Variants in NRXN3 observed in about 807,000 individuals in gnomAD.
NRXN3 encodes neurexin III.
A neutral mutation model predicts 137.6 loss-of-function variants in NRXN3; 32 were observed. That is an observed-to-expected ratio of 0.23 (90% CI 0.18 to 0.31). The LOEUF is 0.31. Ranked by LOEUF, NRXN3 falls within the 10% of genes least tolerant of loss-of-function variation. NRXN3 has a pLI of 1.00. For synonymous variants in NRXN3, 798 were observed against 784.5 expected (o/e 1.02, Z -0.29); for missense variants, 1,574 against 2,062.5 (o/e 0.76, Z 4.59).
intron 16 of NRXN3, among the ~76,000 whole-genome samples, chr14:79,491,113 C>T (rs190491554): frequency 1.3e-4 from 20 of 152,050 alleles, no homozygotes; most frequent in Admixed American, 4.6e-4. Context: ...CTTGTAAATC[C>T]GTCAAAGATT....
Position 79,531,503 on chromosome 14 carries a change from C to A in NRXN3, c.3444+64101C>A, listed in dbSNP as rs1304193132. On this transcript the variant is annotated intron_variant, in intron 16 of 20. Coordinates refer to ENST00000335750, the MANE Select transcript of NRXN3 (RefSeq NM_001330195.2). The stretch of plus-strand genomic sequence containing the variant: ...ATAGTGTTATGAGATTTTTAGAGTA[C>A]GTTAATTTTATAAAGCATGCTTATG... Among the ~76,000 whole-genome samples, 3 of 152,052 alleles carry A rather than the reference C, an allele frequency of 2.0e-5. No individual in the cohort carries two copies. The East Asian group carries it at 5.8e-4, about 29-fold the overall frequency.
At chr14:79,247,515 A>G (rs1183753638) in intron 15 of NRXN3, among the ~76,000 whole-genome samples, 1 of 152,204 alleles carries the variant, frequency 6.6e-6, no homozygotes, top group African/African-American at 2.4e-5. Context: ...TTCAGCAAAG[A>G]AAGAGCAACA....
At chr14:78,300,601 CTCTCTCTCTG>C (rs1340173276) in intron 4 of NRXN3, 1 of 1,038,362 alleles carries the variant, frequency 9.6e-7, no homozygotes, top group African/African-American at 1.6e-5. Flanking sequence ...ACTCTCCTTG[CTCTCTCTCTG>C]TCTCTCTCTG....
intron 15 of NRXN3, among the ~76,000 whole-genome samples, chr14:79,422,231 TTTTG>T (rs1403223809): frequency 6.6e-6 from 1 of 151,892 alleles, no homozygotes; most frequent in Non-Finnish European, 1.5e-5. Context: ...GCAATTTTTT[TTTTG>T]TCTTTTTTGT....
At chr14:78,203,814 GTGTGTGTGTGTGTGTGTGTGTGTGGTT>G (rs898785956) in intron 1 of NRXN3, among the ~76,000 whole-genome samples, 14 of 90,986 alleles carry the variant, frequency 1.5e-4, no homozygotes, top group Admixed American at 1.1e-3. Context: ...GTGTGTGTGT[GTGTGTGTGTGTGTGTGTGTGTGTGGTT>G]TGTGTGTGTG....
intron 15 of NRXN3, among the ~76,000 whole-genome samples, chr14:79,274,825 C>T (rs2080023272): frequency 6.6e-6 from 1 of 152,006 alleles, no homozygotes; most frequent in Non-Finnish European, 1.5e-5. Context: ...TCCTGATATC[C>T]CTATTTCAGC....
At chr14:78,492,123 A>G (rs1210252787) in intron 4 of NRXN3, among the ~76,000 whole-genome samples, 1 of 152,206 alleles carries the variant, frequency 6.6e-6, no homozygotes, top group African/African-American at 2.4e-5. Flanking sequence ...ATTAAACAAA[A>G]TAATAGATAT....
intron 8 of NRXN3, among the ~76,000 whole-genome samples, chr14:78,718,037 T>C (rs2098442207): frequency 6.6e-6 from 1 of 152,174 alleles, no homozygotes; most frequent in Non-Finnish European, 1.5e-5. Flanking sequence ...AGAAAATGTA[T>C]TGGGTATTCT....
chr14:78,252,136 T>A (rs1486330070), intron 2 of NRXN3, among the ~76,000 whole-genome samples: 1 of 152,046 alleles, frequency 6.6e-6, no homozygotes, highest in Non-Finnish European at 1.5e-5. Context: ...TCCTAAATAA[T>A]GTATTTTCCA....
At chr14:79,773,398 A>T (rs1262582377) in intron 19 of NRXN3, among the ~76,000 whole-genome samples, 1 of 152,134 alleles carries the variant, frequency 6.6e-6, no homozygotes, top group South Asian at 2.1e-4. Context: ...CCAATGATCG[A>T]CCAGATTAAG....
At chr14:79,009,487 G>A (rs1317486418) in intron 15 of NRXN3, among the ~76,000 whole-genome samples, 1 of 152,170 alleles carries the variant, frequency 6.6e-6, no homozygotes. Context: ...AAATCCAGTT[G>A]TCAGGTTTGG....
At chr14:78,610,767 T>G (rs904165586) in intron 4 of NRXN3, among the ~76,000 whole-genome samples, 2 of 152,062 alleles carry the variant, frequency 1.3e-5, no homozygotes, top group African/African-American at 2.4e-5. Flanking sequence ...GGGGGGCAGG[T>G]GTGGGGAGAA....
At chr14:79,185,749 G>A (rs976519261) in intron 15 of NRXN3, among the ~76,000 whole-genome samples, 20 of 152,194 alleles carry the variant, frequency 1.3e-4, no homozygotes, top group Non-Finnish European at 2.6e-4. Flanking sequence ...ACAGGCGTGA[G>A]CCACCACCGT....
chr14:79,206,996 C>G (rs1221988127), intron 15 of NRXN3, among the ~76,000 whole-genome samples: 2 of 152,148 alleles, frequency 1.3e-5, no homozygotes, highest in Non-Finnish European at 2.9e-5. Context: ...TTAGCCTGTT[C>G]ACAAACTTTC....
At chr14:78,467,963 G>A (rs1322232500) in intron 4 of NRXN3, among the ~76,000 whole-genome samples, 11 of 151,910 alleles carry the variant, frequency 7.2e-5, no homozygotes, top group East Asian at 1.9e-4. Context: ...TCGTTCTGTC[G>A]CACAGGCTGG....
chr14:78,859,090 A>G (rs546050680), intron 10 of NRXN3, among the ~76,000 whole-genome samples: 6 of 152,300 alleles, frequency 3.9e-5, no homozygotes, highest in Admixed American at 2.0e-4. Context: ...TGTTCTCATC[A>G]TAGTGAGTTC....
chr14:78,502,510 C>G (rs1361627006), intron 4 of NRXN3, among the ~76,000 whole-genome samples: 1 of 152,114 alleles, frequency 6.6e-6, no homozygotes, highest in African/African-American at 2.4e-5. Context: ...GCTTACTGGA[C>G]CCAGTCCTAC....
chr14:78,528,850 C>A (rs779061500), intron 4 of NRXN3, among the ~76,000 whole-genome samples: 12 of 152,098 alleles, frequency 7.9e-5, no homozygotes, highest in Admixed American at 1.3e-4. Flanking sequence ...ATTAAAAATT[C>A]TGTATCTAGA....
chr14:79,059,250 C>CTTTTTTTTTTTT (rs869266975), intron 15 of NRXN3, among the ~76,000 whole-genome samples: 14 of 78,278 alleles, frequency 1.8e-4, no homozygotes, highest in Admixed American at 3.2e-4. Flanking sequence ...AGGCCCTATT[C>CTTTTTTTTTTTT]TTTTTTTTTT....
Sources: allele counts gnomAD v4.1 joint callset (sites outside exome capture counted in the v4.1 genomes callset), GRCh38; gene constraint gnomAD v4.1.1; transcripts MANE v1.5; gene names NCBI Gene and HGNC (gene_info 2026-07-23, HGNC 2026-07-21).